Variants in PRKCSH observed in about 807,000 individuals in gnomAD.
PRKCSH encodes the protein PRKCSH beta subunit of glucosidase II.
Under a neutral mutation model 79.7 loss-of-function variants are expected in PRKCSH, and 42 were observed. The ratio of observed to expected loss-of-function variants is 0.53; its 90% confidence interval spans 0.41 to 0.68. The LOEUF is 0.68. Ranked by LOEUF, PRKCSH falls within the 30% of genes least tolerant of loss-of-function variation. The pLI is 0.00. For missense variants in PRKCSH, 686 were observed against 709.0 expected, an observed-to-expected ratio of 0.97 and a Z score of 0.37; for synonymous variants, 325 against 288.2, an observed-to-expected ratio of 1.13 and a Z score of -1.29.
chr19:11,449,082 G>A lies in PRKCSH; in HGVS notation c.1368G>A (p.Trp456Ter). The A allele has an allele frequency of 1.9e-6, 3 of 1,613,484 alleles. No individual in the cohort carries two copies. The highest frequency in any genetic ancestry group is 2.5e-6 in the Non-Finnish European group (3 of 1,180,022). ...LGGSPTSLGT[W>*]GSWIGPDHDK... ...CACCCTGTGTCTCTCACAGCACCTG[G>A]GGCTCATGGATTGGCCCCGACCACG... Residue 456 changes from tryptophan to a stop codon, truncating the protein, a stop_gained, in exon 16 of 18, where the codon TGG (tryptophan) becomes TGA (stop). Coordinates refer to ENST00000677123, the MANE Select transcript of PRKCSH (RefSeq NM_001289104.2). LOFTEE classifies it high-confidence loss of function. The surrounding 1 kb of genome is among the most constrained non-coding windows in gnomAD (Gnocchi z 6.4).
chr19:11,447,039 G>A lies in PRKCSH; in HGVS notation c.763-35G>A, dbSNP rs1012724634. On this transcript the variant is annotated intron_variant, in intron 9 of 17. Coordinates refer to ENST00000677123, the MANE Select transcript of PRKCSH (RefSeq NM_001289104.2). This position sits in a 1 kb window ranked among gnomAD's most constrained non-coding sequence, Gnocchi z 5.6. ...GTGGCCGAGATGGGGGACACGTGGT[G>A]GCCTAGATCTTGACACCACCCCCAA... 4.4e-6 allele frequency: 7 copies of A among 1,604,362 alleles called. No individual in the cohort carries two copies. The highest frequency in any genetic ancestry group is 6.0e-6 in the Non-Finnish European group (7 of 1,171,224).
intron 7 of PRKCSH, among the ~76,000 whole-genome samples, chr19:11,442,807 T>G (rs773983691): frequency 2.0e-5 from 3 of 152,166 alleles, no homozygotes; most frequent in Non-Finnish European, 4.4e-5. Flanking sequence ...GTTCAAGCAA[T>G]TCTTGTGCCT....
intron 5 of PRKCSH, among the ~76,000 whole-genome samples, chr19:11,438,967 G>A (rs1423955194): frequency 6.6e-6 from 1 of 151,688 alleles, no homozygotes; most frequent in Non-Finnish European, 1.5e-5. Flanking sequence ...GAGTGCAGTG[G>A]CGTGATCTTG....
At position 11,449,481 on chromosome 19, in the gene PRKCSH, G is replaced by T; in HGVS notation, c.*16+53G>T. ...CCTGCCCCAGCAAGGGGAGGCGGCG[G>T]GCCCTGAGGAAGATGGACCCACATG... is the stretch of plus-strand genomic sequence containing the variant. On this transcript the variant is annotated intron_variant, in intron 17 of 17. Transcript: ENST00000677123. This position sits in a 1 kb window ranked among gnomAD's most constrained non-coding sequence, Gnocchi z 6.4. 1 of 1,609,420 alleles carries T rather than the reference G, an allele frequency of 6.2e-7. No individual in the cohort carries two copies. Among genetic ancestry groups the T allele is most frequent in the South Asian group, 1.1e-5 (1 of 90,898 alleles).
Position 11,447,362 on chromosome 19 carries a change from C to T in PRKCSH, c.850-77C>T, listed in dbSNP as rs1346663021. The T allele has an allele frequency of 1.3e-6, 2 of 1,516,986 alleles. No homozygotes were observed. Among genetic ancestry groups the T allele is most frequent in the Non-Finnish European group, 1.8e-6 (2 of 1,102,664 alleles). 94.0% of individuals were successfully genotyped at this position (1,516,986 alleles called of 1,614,324 possible). Reference sequence around the variant, plus strand: ...GAGGGGCAGAGACACCGAGGCTGCCCCTTGGGCTGTGGTGTGAGCCTGAGG... The same window carrying T: ...GAGGGGCAGAGACACCGAGGCTGCCTCTTGGGCTGTGGTGTGAGCCTGAGG... On this transcript the variant is annotated intron_variant, in intron 10 of 17. Coordinates refer to ENST00000677123, the MANE Select transcript of PRKCSH (RefSeq NM_001289104.2). The surrounding 1 kb of genome is among the most constrained non-coding windows in gnomAD (Gnocchi z 5.6).
intron 1 of PRKCSH, 164 bp downstream of exon 1, chr19:11,435,870 A>T (rs1599476488): frequency 1.9e-6 from 2 of 1,027,668 alleles, no homozygotes; most frequent in East Asian, 5.3e-5. Flanking sequence ...AGATCTTGAG[A>T]TCCTCGCCAT....
rs1599512974 is a variant in PRKCSH, at chr19:11,449,618, C to T, written c.*16+190C>T. The T allele has an allele frequency of 1.5e-6, 1 of 689,234 alleles. No homozygotes were observed. The allele number at this position is 689,234 out of a possible 1,614,324, so 42.7% of individuals were successfully genotyped here. Reference sequence around the variant, plus strand: ...AGTGCAGTGATGCGACCTCAGCTGACTGCAACCTCTACCTCCCGGGTTCAA... The same window carrying T: ...AGTGCAGTGATGCGACCTCAGCTGATTGCAACCTCTACCTCCCGGGTTCAA... On this transcript the variant is annotated intron_variant, in intron 17 of 17. Coordinates refer to ENST00000677123, the MANE Select transcript of PRKCSH (RefSeq NM_001289104.2). The surrounding 1 kb of genome is among the most constrained non-coding windows in gnomAD (Gnocchi z 6.4).
In PRKCSH at chr19:11,449,370, A is replaced by G; in HGVS notation, c.1566A>G (p.Pro522=). The G allele has an allele frequency of 6.2e-7, 1 of 1,613,284 alleles. No individual in the cohort carries two copies. The change falls in exon 17 of 18, where the codon CCA becomes CCG. Residue 522 remains proline, a synonymous_variant. Coordinates refer to ENST00000677123, the MANE Select transcript of PRKCSH (RefSeq NM_001289104.2). This position sits in a 1 kb window ranked among gnomAD's most constrained non-coding sequence, Gnocchi z 6.4. The part of the protein sequence containing the change: ...ELMTPAACPE[P]PPEAPTEDDH... Reference sequence around the variant, plus strand: ...TGACGCCAGCCGCCTGCCCGGAGCCACCGCCTGAAGCACCCACCGAAGACG... The same window carrying G: ...TGACGCCAGCCGCCTGCCCGGAGCCGCCGCCTGAAGCACCCACCGAAGACG...
At chr19:11,442,118 G>A (rs1474257643) in intron 6 of PRKCSH, among the ~76,000 whole-genome samples, 4 of 152,192 alleles carry the variant, frequency 2.6e-5, no homozygotes, top group Non-Finnish European at 4.4e-5. Context: ...TTGTCAGGGC[G>A]ACTGGATCCT....
chr19:11,449,513 C>CT lies in PRKCSH; in HGVS notation c.*16+86dup, dbSNP rs1970491803. ...AGGAAGATGGACCCACATGGCCACT[C>CT]TATCAACCTGTGTCCCCATGTTCCC... is the stretch of plus-strand genomic sequence containing the variant. On this transcript the variant is annotated intron_variant, in intron 17 of 17. Coordinates refer to ENST00000677123, the MANE Select transcript of PRKCSH (RefSeq NM_001289104.2). The surrounding 1 kb of genome is among the most constrained non-coding windows in gnomAD (Gnocchi z 6.4). 40 of 1,541,398 alleles carry CT rather than the reference C, an allele frequency of 2.6e-5. No homozygotes were observed. The South Asian group carries it at 4.3e-4, about 16-fold the overall frequency.
chr19:11,436,005 C>G (rs1036371694), intron 1 of PRKCSH, 36 bp from the exon 2 acceptor site: 2 of 1,421,244 alleles, frequency 1.4e-6, no homozygotes, highest in African/African-American at 2.8e-5. Flanking sequence ...GGAAGTAGCC[C>G]TCTCCCACTG....
In PRKCSH at chr19:11,448,352, G is replaced by A; in HGVS notation, c.1196+61G>A. On this transcript the variant is annotated intron_variant, in intron 13 of 17. Coordinates refer to ENST00000677123, the MANE Select transcript of PRKCSH (RefSeq NM_001289104.2). This position sits in a 1 kb window ranked among gnomAD's most constrained non-coding sequence, Gnocchi z 4.4. ...CAGCGACTGCTCCTTGACTCCCAGG[G>A]GAGCTGGTGATGGGGAATCACTGAG... The A allele has an allele frequency of 6.5e-7, 1 of 1,545,590 alleles. No individual in the cohort carries two copies. Among genetic ancestry groups the A allele is most frequent in the Admixed American group, 2.0e-5 (1 of 51,274 alleles).
chr19:11,438,858 A>G (rs546238252), intron 5 of PRKCSH, among the ~76,000 whole-genome samples: 1 of 151,972 alleles, frequency 6.6e-6, no homozygotes, highest in South Asian at 2.1e-4. Context: ...GCTGTTCTCA[A>G]TTCCTGCCAG....
chr19:11,438,815 G>A (rs1382927502), intron 5 of PRKCSH, among the ~76,000 whole-genome samples: 2 of 151,950 alleles, frequency 1.3e-5, no homozygotes, highest in East Asian at 1.9e-4. Flanking sequence ...GAGGCAATAC[G>A]GAGGGGTGGG....
In PRKCSH at chr19:11,447,086, G is replaced by A; in HGVS notation, c.775G>A (p.Gly259Arg). ...CCAACACACACAGGCCCTCCTCAGT[G>A]GGGACACACAGACAGACGCCACCTC... ...SEAEAQALLS[G>R]DTQTDATSFY... The change falls in exon 10 of 18, where the codon GGG becomes AGG. Residue 259 changes from glycine to arginine, a missense_variant. By Grantham distance (125) the Gly-to-Arg change is moderately radical. Around this residue, in one of 2 missense-constraint regions of PRKCSH, gnomAD observed 549 missense variants for 520.2 expected, o/e 1.06. Coordinates refer to ENST00000677123, the MANE Select transcript of PRKCSH (RefSeq NM_001289104.2). This position sits in a 1 kb window ranked among gnomAD's most constrained non-coding sequence, Gnocchi z 5.6. The A allele has an allele frequency of 1.2e-6, 2 of 1,613,976 alleles. No individual in the cohort carries two copies. The highest frequency in any genetic ancestry group is 1.7e-6 in the Non-Finnish European group (2 of 1,179,872).
At position 11,448,423 on chromosome 19, in the gene PRKCSH, G is replaced by C. The variant is rs1970427351; in HGVS notation, c.1197-117G>C. The C allele has an allele frequency of 1.4e-6, 2 of 1,445,232 alleles. No homozygotes were observed. Among genetic ancestry groups the C allele is most frequent in the Non-Finnish European group, 1.9e-6 (2 of 1,037,080 alleles). 89.5% of individuals were successfully genotyped at this position (1,445,232 alleles called of 1,614,324 possible). On this transcript the variant is annotated intron_variant, in intron 13 of 17. Transcript: ENST00000677123. The surrounding 1 kb of genome is among the most constrained non-coding windows in gnomAD (Gnocchi z 4.4). ...GTCCCTGCAGGGAGGGTCCCTGGGA[G>C]GTGGCAGGGAGGACAGCCTGGGCAC...
chr19:11,450,157 T>TA (rs1388627459), intron 17 of PRKCSH, among the ~76,000 whole-genome samples: 1 of 151,298 alleles, frequency 6.6e-6, no homozygotes, highest in African/African-American at 2.4e-5. Context: ...CCCTGCTTTT[T>TA]AAAAAAAGAT....
Position 11,449,780 on chromosome 19 carries a change from C to G in PRKCSH, c.*16+352C>G, listed in dbSNP as rs1370536712. ...GAACTCCTGACCTCAGATGATCCAC[C>G]TGCCTTGGCCTCCCAAAGTGCTGGG... On this transcript the variant is annotated intron_variant, in intron 17 of 17. Transcript: ENST00000677123. The surrounding 1 kb of genome is among the most constrained non-coding windows in gnomAD (Gnocchi z 6.4). 5 of 315,558 alleles carry G rather than the reference C, an allele frequency of 1.6e-5. No individual in the cohort carries two copies. The highest frequency in any genetic ancestry group is 6.5e-5 in the African/African-American group (3 of 46,286). 19.5% of individuals were successfully genotyped at this position (315,558 alleles called of 1,614,324 possible).
chr19:11,441,703 C>T (rs934498205), intron 6 of PRKCSH, among the ~76,000 whole-genome samples: 1 of 152,116 alleles, frequency 6.6e-6, no homozygotes, highest in Admixed American at 6.6e-5. Flanking sequence ...AGATGACTCC[C>T]CAGTTCTGAT....
Sources: gnomAD v4.1 joint callset for allele counts (sites outside exome capture counted in the v4.1 genomes callset) on GRCh38, gnomAD v4.1.1 for gene constraint, gnomAD v4.1.1 regional missense constraint, Gnocchi (gnomAD v3.1) non-coding constraint, MANE v1.5 for transcripts, NCBI Gene and HGNC (gene_info 2026-07-23, HGNC 2026-07-21) for gene names.